TYR: variants seen among roughly 807,000 people sequenced by gnomAD.
TYR encodes the protein tyrosinase, also known as LB24-AB.
TYR carries 58 observed loss-of-function variants against 51.5 expected under a neutral mutation model. That is an observed-to-expected ratio of 1.13 (90% CI 0.91 to 1.40). TYR has a LOEUF of 1.40. TYR is among the 40% of genes most tolerant of loss of function. TYR has a pLI of 0.00. For synonymous variants in TYR, 263 were observed against 235.2 expected, an observed-to-expected ratio of 1.12 and a Z score of -1.08; for missense variants, 732 against 647.4, an observed-to-expected ratio of 1.13 and a Z score of -1.42.
chr11:89,290,116 A>G (rs1944839021), intron 4 of TYR, among the ~76,000 whole-genome samples: 1 of 152,110 alleles, frequency 6.6e-6, no homozygotes, highest in Non-Finnish European at 1.5e-5. Context: ...TAAAACAAAA[A>G]TCTACATAAT....
chr11:89,225,839 A>G (rs1943969232), intron 2 of TYR, among the ~76,000 whole-genome samples: 1 of 152,000 alleles, frequency 6.6e-6, no homozygotes, highest in South Asian at 2.1e-4. Context: ...AAATAGCTAG[A>G]ATAGAAGATT....
chr11:89,284,719 T>A, intron 3 of TYR, 54 bp from the exon 4 acceptor site: 2 of 1,565,834 alleles, frequency 1.3e-6, no homozygotes, highest in Non-Finnish European at 1.8e-6. Flanking sequence ...AATTTTCAAA[T>A]GTTTCTTTTA....
intron 2 of TYR, among the ~76,000 whole-genome samples, chr11:89,194,593 T>C (rs989804524): frequency 6.6e-6 from 1 of 152,210 alleles, no homozygotes; most frequent in Non-Finnish European, 1.5e-5. Flanking sequence ...TCAGCACTGC[T>C]TTTAAATTTA....
intron 2 of TYR, among the ~76,000 whole-genome samples, chr11:89,211,068 A>G (rs892447469): frequency 2.0e-5 from 3 of 152,184 alleles, no homozygotes; most frequent in Non-Finnish European, 4.4e-5. Flanking sequence ...TGGGCAAAAT[A>G]ACCAGTTAGC....
chr11:89,192,432 G>A (rs1273363969), intron 2 of TYR, among the ~76,000 whole-genome samples: 2 of 152,024 alleles, frequency 1.3e-5, no homozygotes, highest in Admixed American at 1.3e-4. Context: ...GCTCCTAAAA[G>A]GCCTGTGACA....
chr11:89,282,136 T>C lies in TYR; in HGVS notation c.1185-2637T>C, dbSNP rs190583240. Among the ~76,000 whole-genome samples the C allele has an allele frequency of 5.0e-4, 76 of 151,982 alleles. 1 individual carries two copies. The highest frequency in any genetic ancestry group is 1.8e-3 in the African/African-American group (73 of 41,520). ...TTTCATCCATTAAATCTTTTGGTGCTGAGAATTGATGTCCTTGTCCTACTT... is the reference window on the plus strand; with the variant it reads ...TTTCATCCATTAAATCTTTTGGTGCCGAGAATTGATGTCCTTGTCCTACTT... On this transcript the variant is annotated intron_variant, in intron 3 of 4. Transcript: ENST00000263321.
At chr11:89,222,174 C>A (rs1943920526) in intron 2 of TYR, among the ~76,000 whole-genome samples, 3 of 152,120 alleles carry the variant, frequency 2.0e-5, no homozygotes, top group African/African-American at 7.2e-5. Context: ...TCAAGGAAAT[C>A]ATATATTCAC....
At chr11:89,249,635 A>G (rs552506234) in intron 3 of TYR, among the ~76,000 whole-genome samples, 12 of 152,160 alleles carry the variant, frequency 7.9e-5, no homozygotes, top group African/African-American at 2.9e-4. Context: ...GCCAGACTGG[A>G]GCAGATTCTA....
intron 2 of TYR, among the ~76,000 whole-genome samples, chr11:89,222,136 T>C (rs1943920104): frequency 6.6e-6 from 1 of 152,208 alleles, no homozygotes; most frequent in Admixed American, 6.5e-5. Context: ...TTTTGGACTG[T>C]CAGAATATAG....
At chr11:89,247,725 G>A (rs1218331197) in intron 3 of TYR, among the ~76,000 whole-genome samples, 2 of 152,194 alleles carry the variant, frequency 1.3e-5, no homozygotes, top group East Asian at 3.8e-4. Context: ...ACAGTTTTCT[G>A]CAAAGCGGAG....
At chr11:89,197,609 A>C (rs1337888936) in intron 2 of TYR, among the ~76,000 whole-genome samples, 1 of 152,144 alleles carries the variant, frequency 6.6e-6, no homozygotes, top group Non-Finnish European at 1.5e-5. Flanking sequence ...TGTTAGTGGC[A>C]TTAGTAGAAT....
chr11:89,184,626 T>C (rs1319694588), intron 1 of TYR, among the ~76,000 whole-genome samples: 1 of 152,138 alleles, frequency 6.6e-6, no homozygotes, highest in Non-Finnish European at 1.5e-5. Flanking sequence ...CGTTATGAGG[T>C]ATAAGGCAAA....
chr11:89,285,665 G>A (rs1944777358), intron 4 of TYR, among the ~76,000 whole-genome samples: 1 of 151,636 alleles, frequency 6.6e-6, no homozygotes, highest in African/African-American at 2.4e-5. Flanking sequence ...TTCTTTACAT[G>A]TATTATTAAT....
intron 3 of TYR, among the ~76,000 whole-genome samples, chr11:89,248,423 G>A (rs758347636): frequency 1.3e-5 from 2 of 152,116 alleles, no homozygotes; most frequent in Non-Finnish European, 2.9e-5. Flanking sequence ...CCTGTAATTT[G>A]ACACTGAGAC....
intron 2 of TYR, among the ~76,000 whole-genome samples, chr11:89,199,485 G>A (rs1187446485): frequency 2.6e-5 from 4 of 152,172 alleles, no homozygotes; most frequent in Non-Finnish European, 4.4e-5. Context: ...ACTGGAAAGA[G>A]AGAAAGAGAG....
At chr11:89,216,732 T>A (rs1943837863) in intron 2 of TYR, among the ~76,000 whole-genome samples, 1 of 149,916 alleles carries the variant, frequency 6.7e-6, no homozygotes, top group South Asian at 2.1e-4. Context: ...TATGAAACAA[T>A]ATGAAGTTAG....
At chr11:89,255,500 G>A (rs983589858) in intron 3 of TYR, among the ~76,000 whole-genome samples, 5 of 151,646 alleles carry the variant, frequency 3.3e-5, no homozygotes, top group Admixed American at 1.3e-4. Flanking sequence ...TTTCTTAAAT[G>A]TTTGGCAGAA....
At chr11:89,285,879 T>C (rs1054662603) in intron 4 of TYR, among the ~76,000 whole-genome samples, 4 of 151,690 alleles carry the variant, frequency 2.6e-5, no homozygotes, top group Non-Finnish European at 5.9e-5. Context: ...GGCTTATGGG[T>C]AGGAGGTATT....
At chr11:89,211,746 T>A (rs1341966413) in intron 2 of TYR, among the ~76,000 whole-genome samples, 1 of 152,092 alleles carries the variant, frequency 6.6e-6, no homozygotes, top group Non-Finnish European at 1.5e-5. Context: ...CAACAAACTG[T>A]CTCTCAGACC....
Sources: allele counts gnomAD v4.1 joint callset (sites outside exome capture counted in the v4.1 genomes callset), GRCh38; gene constraint gnomAD v4.1.1; transcripts MANE v1.5; gene names NCBI Gene and HGNC (gene_info 2026-07-23, HGNC 2026-07-21).